The following RBM47 variants were observed in gnomAD, a reference collection of about 807,000 sequenced individuals.
RBM47 encodes RNA binding motif protein 47.
Under a neutral mutation model 47.1 loss-of-function variants are expected in RBM47, and 21 were observed. The ratio of observed to expected loss-of-function variants is 0.45; its 90% CI spans 0.32 to 0.64. The LOEUF (loss-of-function observed/expected upper bound fraction) is 0.64. RBM47 is among the 30% of genes least tolerant of loss of function. The pLI is 0.05. For missense variants in RBM47, 708 were observed against 870.9 expected, an observed-to-expected ratio of 0.81 and a Z score of 2.35; for synonymous variants, 375 against 361.7, an observed-to-expected ratio of 1.04 and a Z score of -0.42.
Position 40,423,997 on chromosome 4 carries a change from T to C in RBM47, c.*1907A>G, listed in dbSNP as rs1036433460. 11 of 152,256 alleles carry C rather than the reference T, an allele frequency of 7.2e-5. No homozygotes were observed. The highest frequency in any genetic ancestry group is 2.4e-4 in the African/African-American group (10 of 41,416). 9.4% of individuals were successfully genotyped at this position (152,256 alleles called of 1,614,324 possible). A position where few individuals can be genotyped will look rare whatever the true frequency, so the allele number is the denominator to read the frequency against. ...TATTTTATGTCATTTAAAAGAATGA[T>C]GGAAAGGAATGTTAGCGGTGCTTAA... On this transcript the variant is annotated 3_prime_UTR_variant, in exon 7 of 7. Coordinates refer to ENST00000295971, the MANE Select transcript of RBM47 (RefSeq NM_001098634.2).
At chr4:40,441,118 C>CT (rs1713558409) in intron 3 of RBM47, among the ~76,000 whole-genome samples, 1 of 150,422 alleles carries the variant, frequency 6.6e-6, no homozygotes, top group African/African-American at 2.4e-5. Flanking sequence ...ATTTTTTTTT[C>CT]TTTTTTTAAA....
intron 2 of RBM47, among the ~76,000 whole-genome samples, chr4:40,494,593 G>C (rs1245435711): frequency 6.6e-6 from 1 of 152,160 alleles, no homozygotes; most frequent in Admixed American, 6.5e-5. Flanking sequence ...TCCTAAATCA[G>C]AGATCAACAA....
Position 40,438,396 on chromosome 4 carries a change from T to C in RBM47, c.498A>G (p.Glu166=). The C allele has an allele frequency of 6.2e-7, 1 of 1,613,092 alleles. No individual in the cohort carries two copies. The highest frequency in any genetic ancestry group is 8.5e-7 in the Non-Finnish European group (1 of 1,179,950). ...TGACCTTGGCAATCTCCTCCAGGAT[T>C]TCCTCGCGCTTCTTCATCTTGGGGA... ...GGIPKMKKRE[E]ILEEIAKVTE... The change falls in exon 4 of 7, where the codon GAA becomes GAG. Residue 166 remains glutamate, a synonymous_variant. Transcript: ENST00000295971.
intron 1 of RBM47, among the ~76,000 whole-genome samples, chr4:40,592,981 T>TATAA (rs1734383093): frequency 7.1e-5 from 1 of 14,182 alleles, no homozygotes; most frequent in Non-Finnish European, 1.2e-4. Flanking sequence ...ATATATATAT[T>TATAA]TTTTTTTTTT....
intron 2 of RBM47, chr4:40,516,071 CT>C (rs1725530345): frequency 6.6e-6 from 1 of 152,126 alleles, no homozygotes; most frequent in Non-Finnish European, 1.5e-5. Flanking sequence ...TGCCTGTCAG[CT>C]CCTTTTGCTT....
At chr4:40,546,962 G>A (rs1405767830) in intron 1 of RBM47, among the ~76,000 whole-genome samples, 1 of 152,202 alleles carries the variant, frequency 6.6e-6, no homozygotes, top group East Asian at 1.9e-4. Context: ...CTGGCATTCT[G>A]ACTAAATGTT....
chr4:40,437,950 A>G lies in RBM47; in HGVS notation c.944T>C (p.Leu315Pro). 1 of 1,613,522 alleles carries G rather than the reference A, an allele frequency of 6.2e-7. No individual in the cohort carries two copies. Among genetic ancestry groups the G allele is most frequent in the African/African-American group, 1.3e-5 (1 of 75,044 alleles). ...ELEGSCLEVT[L>P]AKPVDKEQYS... ...CTGCTCCTTGTCCACGGGCTTGGCCAGCGTGACCTCCAGGCACGAGCCCTC... is the reference window on the plus strand; with the variant it reads ...CTGCTCCTTGTCCACGGGCTTGGCCGGCGTGACCTCCAGGCACGAGCCCTC... Residue 315 changes from leucine to proline, a missense_variant, in exon 4 of 7, where the codon CTG becomes CCG. Transcript: ENST00000295971.
rs554728571 is a variant in RBM47, at chr4:40,628,735, T to C, written c.-240+661A>G. ...GTACCTTGAAGATGGTATCTTCCTATCACTTATGCCTTGGGACAGTACCCA... is the reference window on the plus strand; with the variant it reads ...GTACCTTGAAGATGGTATCTTCCTACCACTTATGCCTTGGGACAGTACCCA... On this transcript the variant is annotated intron_variant, in intron 1 of 6. Transcript: ENST00000295971. The surrounding 1 kb of genome is among the most constrained non-coding windows in gnomAD (Gnocchi z 4.0). Among the ~76,000 whole-genome samples, 2 of 152,326 alleles carry C rather than the reference T, an allele frequency of 1.3e-5. No homozygotes were observed. Among genetic ancestry groups the C allele is most frequent in the South Asian group, 4.1e-4 (2 of 4,824 alleles).
chr4:40,483,636 C>T (rs772498371), intron 2 of RBM47, among the ~76,000 whole-genome samples: 2 of 152,270 alleles, frequency 1.3e-5, no homozygotes, highest in Middle Eastern at 3.4e-3. Context: ...TCAGAGGTTG[C>T]AGTGAGCTGA....
chr4:40,492,189 C>T (rs1401092727), intron 2 of RBM47, among the ~76,000 whole-genome samples: 1 of 151,694 alleles, frequency 6.6e-6, no homozygotes, highest in Non-Finnish European at 1.5e-5. Context: ...GGCAACATGG[C>T]GAAACCTCAT....
chr4:40,570,403 C>T (rs891924207), intron 1 of RBM47, among the ~76,000 whole-genome samples: 1 of 151,740 alleles, frequency 6.6e-6, no homozygotes, highest in African/African-American at 2.4e-5. Context: ...AAGCCTGCAA[C>T]CTAGACCCCT....
At chr4:40,529,244 C>T (rs1048515573) in intron 2 of RBM47, among the ~76,000 whole-genome samples, 5 of 152,098 alleles carry the variant, frequency 3.3e-5, no homozygotes, top group Admixed American at 2.6e-4. Context: ...AGGTGGCTCA[C>T]GCCTGTAATC....
At chr4:40,484,723 C>T (rs1303381975) in intron 2 of RBM47, among the ~76,000 whole-genome samples, 1 of 152,226 alleles carries the variant, frequency 6.6e-6, no homozygotes, top group African/African-American at 2.4e-5. Context: ...CCTTCTCTAT[C>T]TACCAGATTC....
chr4:40,580,672 T>C (rs1560484004), intron 1 of RBM47, among the ~76,000 whole-genome samples: 1 of 152,190 alleles, frequency 6.6e-6, no homozygotes, highest in Non-Finnish European at 1.5e-5. Flanking sequence ...CCCATATCAT[T>C]CAGTTAGGCT....
At chr4:40,520,572 C>T (rs1181907613) in intron 2 of RBM47, among the ~76,000 whole-genome samples, 1 of 152,166 alleles carries the variant, frequency 6.6e-6, no homozygotes, top group Non-Finnish European at 1.5e-5. Context: ...CTCCCTTGGA[C>T]ACTAGGAAAT....
At chr4:40,593,219 C>T (rs1160665511) in intron 1 of RBM47, among the ~76,000 whole-genome samples, 4 of 148,740 alleles carry the variant, frequency 2.7e-5, no homozygotes, top group African/African-American at 7.4e-5. Context: ...AGAAGGGTCT[C>T]GATCTCCTGA....
At chr4:40,589,444 A>G (rs1290954102) in intron 1 of RBM47, among the ~76,000 whole-genome samples, 1 of 151,822 alleles carries the variant, frequency 6.6e-6, no homozygotes, top group Non-Finnish European at 1.5e-5. Flanking sequence ...TTTTTTTGAG[A>G]TGGAGTCTCG....
chr4:40,431,458 A>G (rs1297247490), intron 6 of RBM47, among the ~76,000 whole-genome samples: 1 of 152,120 alleles, frequency 6.6e-6, no homozygotes, highest in Non-Finnish European at 1.5e-5. Context: ...GGAGATTGAG[A>G]CTATCCTGGC....
intron 2 of RBM47, among the ~76,000 whole-genome samples, chr4:40,540,201 A>G (rs989242050): frequency 6.6e-6 from 1 of 152,182 alleles, no homozygotes; most frequent in Non-Finnish European, 1.5e-5. Context: ...CAAGGCCCCA[A>G]TCTAAACACT....
Sources: allele counts gnomAD v4.1 joint callset (sites outside exome capture counted in the v4.1 genomes callset), GRCh38; gene constraint gnomAD v4.1.1; non-coding constraint Gnocchi (gnomAD v3.1); transcripts MANE v1.5; gene names NCBI Gene and HGNC (gene_info 2026-07-23, HGNC 2026-07-21).